PTPRB: variants seen among roughly 807,000 people sequenced by gnomAD.
PTPRB encodes the protein protein tyrosine phosphatase receptor type B, also known as receptor-type tyrosine-protein phosphatase beta.
PTPRB carries 97 observed loss-of-function variants against 238.1 expected under a neutral mutation model. The observed-to-expected ratio is 0.41, with a 90% CI of 0.35 to 0.48. PTPRB has a LOEUF of 0.48. Ranked by LOEUF, PTPRB falls within the 20% of genes least tolerant of loss-of-function variation. The pLI is 0.30. For missense variants in PTPRB, 2,292 were observed against 2,681.9 expected (o/e 0.85, Z 3.21); for synonymous variants, 970 against 995.4 (o/e 0.97, Z 0.48).
intron 2 of PTPRB, among the ~76,000 whole-genome samples, chr12:70,634,675 G>T (rs958319727): frequency 6.6e-6 from 1 of 152,138 alleles, no homozygotes; most frequent in African/African-American, 2.4e-5. Context: ...AAGCATTTGG[G>T]AACCTCTGGT....
At chr12:70,619,644 G>T (rs1884840308) in intron 3 of PTPRB, among the ~76,000 whole-genome samples, 1 of 152,096 alleles carries the variant, frequency 6.6e-6, no homozygotes, top group South Asian at 2.1e-4. Flanking sequence ...ATGTGGAGGA[G>T]AACCTAGACT....
chr12:70,580,863 C>T (rs1453058946), intron 10 of PTPRB, among the ~76,000 whole-genome samples, 173 bp downstream of exon 10: 1 of 152,030 alleles, frequency 6.6e-6, no homozygotes, highest in Non-Finnish European at 1.5e-5. Flanking sequence ...TTGCCATCAC[C>T]CATCGCCCAA....
chr12:70,571,284 C>G lies in PTPRB; in HGVS notation c.3112G>C (p.Glu1038Gln). The change falls in exon 13 of 34, where the codon GAG (glutamate) becomes CAG (glutamine). Residue 1038 changes from glutamate to glutamine, a missense_variant. Glu to Gln is a conservative substitution (Grantham distance 29). Coordinates refer to ENST00000334414, the MANE Select transcript of PTPRB (RefSeq NM_001109754.4). Reference protein sequence around the residue: ...NEQGNGRTIPEPVKDLTLRNR... With the variant: ...NEQGNGRTIPQPVKDLTLRNR... ...CGCAATGTTAGATCCTTAACAGGCT[C>G]TGGAACTAGGGAGAAAAATGAGAAG... 6.3e-7 allele frequency: 1 copy of G among 1,596,646 alleles called. No homozygotes were observed. The highest frequency in any genetic ancestry group is 8.6e-7 in the Non-Finnish European group (1 of 1,164,564).
rs1331029619 is a variant in PTPRB at position 70,560,849 on chromosome 12, G to T, written c.4254C>A (p.Asp1418Glu). The change falls in exon 17 of 34, where the codon GAC becomes GAA. Residue 1418 changes from aspartate to glutamate, a missense_variant. Transcript: ENST00000334414. This position sits in a 1 kb window ranked among gnomAD's most constrained non-coding sequence, Gnocchi z 4.2. ...LWFNWSPASG[D>E]FDFYELILYN... Reference sequence around the variant, plus strand: ...AGAGAATCAGCTCATAAAAGTCAAAGTCCCCAGAGGCTGGACTCCAGTTGA... The same window carrying T: ...AGAGAATCAGCTCATAAAAGTCAAATTCCCCAGAGGCTGGACTCCAGTTGA... 3.7e-6 allele frequency: 6 copies of T among 1,613,820 alleles called. No individual in the cohort carries two copies. Among genetic ancestry groups the T allele is most frequent in the Non-Finnish European group, 5.1e-6 (6 of 1,179,890 alleles).
At chr12:70,582,739 T>C (rs1376147744) in intron 9 of PTPRB, among the ~76,000 whole-genome samples, 4 of 152,110 alleles carry the variant, frequency 2.6e-5, no homozygotes, top group Non-Finnish European at 5.9e-5. Flanking sequence ...GACCTTGATT[T>C]AGGCAAATAT....
At chr12:70,571,423 A>G in intron 12 of PTPRB, 134 bp from the exon 13 acceptor site, 1 of 895,312 alleles carries the variant, frequency 1.1e-6, no homozygotes, top group Non-Finnish European at 1.6e-6. Context: ...TACTTCATGC[A>G]TAATTAAACA....
chr12:70,632,442 G>A (rs1442486125), intron 2 of PTPRB, among the ~76,000 whole-genome samples: 1 of 151,930 alleles, frequency 6.6e-6, no homozygotes, highest in Non-Finnish European at 1.5e-5. Flanking sequence ...GTGGGGGACT[G>A]GGGGAAGGAT....
chr12:70,635,572 T>C, intron 2 of PTPRB, 99 bp downstream of exon 2: 2 of 1,386,290 alleles, frequency 1.4e-6, no homozygotes, highest in South Asian at 1.4e-5. Context: ...GCATGTGGAC[T>C]TCCCTTAAAT....
At chr12:70,613,335 A>G (rs1040063924) in intron 3 of PTPRB, among the ~76,000 whole-genome samples, 2 of 151,926 alleles carry the variant, frequency 1.3e-5, no homozygotes, top group Non-Finnish European at 2.9e-5. Flanking sequence ...TAATTCATTT[A>G]CTTTCATTCA....
At chr12:70,589,593 T>C (rs1041161307) in intron 8 of PTPRB, among the ~76,000 whole-genome samples, 1 of 152,204 alleles carries the variant, frequency 6.6e-6, no homozygotes, top group Non-Finnish European at 1.5e-5. Context: ...TCACTCTTCA[T>C]TGGTACCTGA....
At chr12:70,577,749 A>C (rs962102659) in intron 10 of PTPRB, among the ~76,000 whole-genome samples, 4 of 152,196 alleles carry the variant, frequency 2.6e-5, no homozygotes, top group Non-Finnish European at 5.9e-5. Flanking sequence ...ACTTAAAAGC[A>C]CTTATCCATC....
chr12:70,570,143 G>T (rs928783881), intron 13 of PTPRB, among the ~76,000 whole-genome samples: 1 of 152,130 alleles, frequency 6.6e-6, no homozygotes, highest in Non-Finnish European at 1.5e-5. Flanking sequence ...CAAAGCCGGT[G>T]AGTGGAAATG....
intron 3 of PTPRB, among the ~76,000 whole-genome samples, chr12:70,618,485 A>G (rs1004884911): frequency 3.4e-4 from 52 of 152,338 alleles, no homozygotes; most frequent in African/African-American, 1.2e-3. Context: ...ACCCATAACT[A>G]TCCTTAAGTT....
At chr12:70,532,623 TTC>T (rs1408474879) in intron 31 of PTPRB, among the ~76,000 whole-genome samples, 2 of 152,048 alleles carry the variant, frequency 1.3e-5, no homozygotes, top group Non-Finnish European at 1.5e-5. Context: ...CCTTCTTTCT[TTC>T]TCTCTCCTTC....
intron 7 of PTPRB, among the ~76,000 whole-genome samples, chr12:70,590,894 T>G (rs1036005350): frequency 6.6e-6 from 1 of 151,458 alleles, no homozygotes; most frequent in Non-Finnish European, 1.5e-5. Context: ...GTCACAAACG[T>G]TACATTTTTT....
At chr12:70,591,505 TATTTA>T (rs1392719570) in intron 7 of PTPRB, among the ~76,000 whole-genome samples, 1 of 152,224 alleles carries the variant, frequency 6.6e-6, no homozygotes, top group East Asian at 1.9e-4. Context: ...GGATATAAAT[TATTTA>T]GTCAGTGCCT....
chr12:70,537,913 G>C (rs192048506), intron 28 of PTPRB: 6 of 428,764 alleles, frequency 1.4e-5, no homozygotes, highest in Non-Finnish European at 1.2e-5. Flanking sequence ...GCAGAGAGTA[G>C]ATGATCTATG....
In PTPRB at chr12:70,559,613, G is replaced by A. The variant is rs1403714166; in HGVS notation, c.4444C>T (p.Pro1482Ser). Reference sequence around the variant, plus strand: ...ATGTCAGCAAATGACATAAGACTGGGAGGACTTGGAGCTGAATGTAGGAGA... The same window carrying A: ...ATGTCAGCAAATGACATAAGACTGGAAGGACTTGGAGCTGAATGTAGGAGA... ...TAESRTAPSP[P>S]SLMSFADIAN... The change falls in exon 18 of 34, where the codon CCC becomes TCC. Residue 1482 changes from proline to serine, a missense_variant. Pro to Ser is a moderately conservative substitution (Grantham distance 74, BLOSUM62 -1). This residue lies in a region of PTPRB where 683 missense variants were observed against 862.0 expected (regional missense o/e 0.79). Coordinates refer to ENST00000334414, the MANE Select transcript of PTPRB (RefSeq NM_001109754.4). 1.2e-6 allele frequency: 2 copies of A among 1,609,006 alleles called. No individual in the cohort carries two copies. Among genetic ancestry groups the A allele is most frequent in the Non-Finnish European group, 1.7e-6 (2 of 1,175,534 alleles).
At chr12:70,533,972 A>ATAGAC (rs1873693026) in intron 31 of PTPRB, among the ~76,000 whole-genome samples, 1 of 152,240 alleles carries the variant, frequency 6.6e-6, no homozygotes, top group South Asian at 2.1e-4. Context: ...AGCAGCACAA[A>ATAGAC]TAGACAAAGA....
Sources: gnomAD v4.1 joint callset for allele counts (sites outside exome capture counted in the v4.1 genomes callset) on GRCh38, gnomAD v4.1.1 for gene constraint, gnomAD v4.1.1 regional missense constraint, Gnocchi (gnomAD v3.1) non-coding constraint, MANE v1.5 for transcripts, NCBI Gene and HGNC (gene_info 2026-07-23, HGNC 2026-07-21) for gene names.